MED14: variants seen among roughly 807,000 people sequenced by gnomAD.
MED14 encodes the protein mediator complex subunit 14.
In MED14, 8 loss-of-function variants were observed where a neutral mutation model predicts 109.0. That is an observed-to-expected ratio of 0.07 (90% confidence interval 0.04 to 0.13). The LOEUF is 0.13. Ranked by LOEUF, MED14 falls within the 10% of genes least tolerant of loss-of-function variation. The pLI, the probability that MED14 is intolerant of heterozygous loss-of-function variation, is 1.00. For synonymous variants in MED14, 399 were observed against 408.7 expected (o/e 0.98, Z 0.29); for missense variants, 711 against 1,142.4 (o/e 0.62, Z 5.44).
intron 29 of MED14, 83 bp downstream of exon 29, chrX:40,654,852 G>A: frequency 9.3e-7 from 1 of 1,079,770 alleles, no homozygotes; most frequent in Non-Finnish European, 1.3e-6. Flanking sequence ...GATAATTTAT[G>A]CAGTTATCCA....
chrX:40,695,704 G>A (rs1369202452), intron 13 of MED14, among the ~76,000 whole-genome samples: 1 of 111,985 alleles, frequency 8.9e-6, no homozygotes, highest in African/African-American at 3.2e-5. Context: ...ACTGAGAACT[G>A]AAACAATAGT....
chrX:40,731,577 ATTC>A (rs1172299934), intron 1 of MED14, among the ~76,000 whole-genome samples: 1 of 112,350 alleles, frequency 8.9e-6, no homozygotes, highest in African/African-American at 3.2e-5. Flanking sequence ...ATGGTTTACA[ATTC>A]TTTTTGAACA....
At chrX:40,688,183 C>T (rs904255238) in intron 16 of MED14, among the ~76,000 whole-genome samples, 3 of 111,709 alleles carry the variant, frequency 2.7e-5, no homozygotes, top group African/African-American at 9.8e-5. Context: ...CAAGATCATG[C>T]CACTGCACTC....
At chrX:40,713,347 A>T (rs1353911680) in intron 5 of MED14, among the ~76,000 whole-genome samples, 4 of 112,229 alleles carry the variant, frequency 3.6e-5, no homozygotes, top group African/African-American at 1.3e-4. Flanking sequence ...CTAGGTACTA[A>T]AGAGAAATGA....
chrX:40,655,087 A>G lies in MED14; in HGVS notation c.3973-27T>C, dbSNP rs369444541. 3.4e-6 allele frequency: 4 copies of G among 1,180,062 alleles called. No homozygotes were observed. The African/African-American group carries it at 5.3e-5, about 16-fold the overall frequency. ...TATTTTGAGGGGGAAAAATCAAGAT[A>G]AAGGCATATAAACATTTAAAATCAT... On this transcript the variant is annotated intron_variant, in intron 28 of 30. Transcript: ENST00000324817.
At chrX:40,724,888 A>C (rs1931844401) in intron 3 of MED14, among the ~76,000 whole-genome samples, 1 of 111,441 alleles carries the variant, frequency 9.0e-6, no homozygotes, top group Non-Finnish European at 1.9e-5. Flanking sequence ...TTTTCTGAAA[A>C]AATGAACAAA....
chrX:40,728,369 G>A (rs1473966189), intron 2 of MED14, among the ~76,000 whole-genome samples: 4 of 111,192 alleles, frequency 3.6e-5, no homozygotes, highest in African/African-American at 9.8e-5. Context: ...TTGACTTAAC[G>A]TTTTCCTCCT....
intron 7 of MED14, among the ~76,000 whole-genome samples, chrX:40,711,877 C>T (rs1478903693): frequency 9.1e-6 from 1 of 109,864 alleles, no homozygotes; most frequent in Admixed American, 9.7e-5. Context: ...GTGATACACC[C>T]GCCTCAGCCT....
chrX:40,701,122 A>G (rs1369982074), intron 12 of MED14, 43 bp downstream of exon 12: 7 of 950,945 alleles, frequency 7.4e-6, no homozygotes, highest in African/African-American at 1.9e-5. Context: ...TCTTGTCAAA[A>G]TAAGTTTCCA....
intron 28 of MED14, among the ~76,000 whole-genome samples, chrX:40,658,516 A>G (rs2084726367): frequency 9.1e-6 from 1 of 110,479 alleles, no homozygotes; most frequent in African/African-American, 3.3e-5. Flanking sequence ...AAAATGGAAA[A>G]AAGTACAAAA....
chrX:40,662,097 C>T (rs964204327), intron 26 of MED14, among the ~76,000 whole-genome samples: 3 of 111,786 alleles, frequency 2.7e-5, no homozygotes, highest in Non-Finnish European at 5.6e-5. Flanking sequence ...AACTCCTGAC[C>T]TCAAGAGATC....
At chrX:40,715,689 G>A (rs777645401) in intron 3 of MED14, among the ~76,000 whole-genome samples, 11 of 107,445 alleles carry the variant, frequency 1.0e-4, no homozygotes, top group African/African-American at 3.4e-4. Context: ...GGGAGGCTGA[G>A]GCAGGAGAAT....
At chrX:40,727,530 TC>T (rs1293671911) in intron 2 of MED14, among the ~76,000 whole-genome samples, 1 of 111,910 alleles carries the variant, frequency 8.9e-6, no homozygotes, top group East Asian at 2.8e-4. Context: ...TTATTACTTT[TC>T]CCCTAATACT....
intron 10 of MED14, among the ~76,000 whole-genome samples, chrX:40,708,836 T>C (rs1157161742): frequency 1.8e-5 from 2 of 112,101 alleles, no homozygotes; most frequent in African/African-American, 6.5e-5. Flanking sequence ...AAGGGATGAA[T>C]TCTGCTTCAC....
At chrX:40,664,056 C>T (rs1232991908) in intron 25 of MED14, among the ~76,000 whole-genome samples, 2 of 110,560 alleles carry the variant, frequency 1.8e-5, no homozygotes, top group Admixed American at 9.7e-5. Flanking sequence ...ATAATGCCTA[C>T]GTGATGAAAC....
rs747139955 is a variant in MED14 at position 40,662,905 on chromosome X, A to G, written c.3684+20T>C. ...TTACCCTTAACAATCACCACTTAGA[A>G]GGTCATTAGGTACCCATACCGTTTC... On this transcript the variant is annotated intron_variant, in intron 26 of 30. Transcript: ENST00000324817. The G allele has an allele frequency of 2.6e-6, 3 of 1,136,474 alleles. No individual in the cohort carries two copies. In the African/African-American group the frequency reaches 5.4e-5, roughly 20 times the overall value. The allele number at this position is 1,136,474 out of a possible 1,213,427, so 93.7% of individuals were successfully genotyped here.
At chrX:40,711,021 T>A (rs1931320037) in intron 8 of MED14, 148 bp downstream of exon 8, 1 of 614,132 alleles carries the variant, frequency 1.6e-6, no homozygotes, top group South Asian at 4.9e-5. Context: ...ATCTTGCAAA[T>A]TGATCTGCAT....
At chrX:40,733,230 C>T (rs1421252684) in intron 1 of MED14, among the ~76,000 whole-genome samples, 1 of 109,634 alleles carries the variant, frequency 9.1e-6, no homozygotes, top group Non-Finnish European at 1.9e-5. Context: ...CCAAGCAATC[C>T]TCCCACCTCC....
chrX:40,715,977 G>A (rs1383465932), intron 3 of MED14, among the ~76,000 whole-genome samples: 2 of 110,065 alleles, frequency 1.8e-5, no homozygotes, highest in South Asian at 3.8e-4. Flanking sequence ...GAATACATAA[G>A]GAACTCAACT....
Sources: allele counts gnomAD v4.1 joint callset (sites outside exome capture counted in the v4.1 genomes callset), GRCh38; gene constraint gnomAD v4.1.1; transcripts MANE v1.5; gene names NCBI Gene and HGNC (gene_info 2026-07-23, HGNC 2026-07-21).